The following GRIK2 variants were observed in gnomAD, a reference collection of about 807,000 sequenced individuals.
The protein encoded by GRIK2 is glutamate receptor ionotropic, kainate 2.
In GRIK2, 32 loss-of-function variants were observed where a neutral mutation model predicts 100.3. That is an observed-to-expected ratio of 0.32 (90% CI 0.24 to 0.43). The LOEUF is 0.43. GRIK2 is among the 20% of genes least tolerant of loss of function. The pLI is 1.00. For synonymous variants in GRIK2, 417 were observed against 389.4 expected, an observed-to-expected ratio of 1.07 and a Z score of -0.83; for missense variants, 843 against 1,114.9, an observed-to-expected ratio of 0.76 and a Z score of 3.47.
At chr6:101,499,032 T>G (rs1353448776) in intron 2 of GRIK2, among the ~76,000 whole-genome samples, 1 of 152,184 alleles carries the variant, frequency 6.6e-6, no homozygotes, top group East Asian at 1.9e-4. Flanking sequence ...GGGAAAGGAT[T>G]CCCTATTTAA....
At chr6:101,985,320 C>T (rs1484881767) in intron 14 of GRIK2, among the ~76,000 whole-genome samples, 1 of 151,760 alleles carries the variant, frequency 6.6e-6, no homozygotes, top group Non-Finnish European at 1.5e-5. Context: ...CTAACTAGAA[C>T]ATTTATCCCA....
intron 1 of GRIK2, 52 bp from the exon 2 acceptor site, chr6:101,398,933 C>G (rs1006327680): frequency 2.8e-5 from 12 of 427,704 alleles, no homozygotes; most frequent in Admixed American, 4.2e-5. Context: ...ACATCTCGTC[C>G]GTTACCAAGG....
At chr6:101,959,495 AC>A (rs1232781200) in intron 14 of GRIK2, among the ~76,000 whole-genome samples, 1 of 152,070 alleles carries the variant, frequency 6.6e-6, no homozygotes, top group African/African-American at 2.4e-5. Flanking sequence ...GATCTAGCTA[AC>A]AATCTATCAA....
At chr6:101,656,527 T>G (rs1769192727) in intron 4 of GRIK2, among the ~76,000 whole-genome samples, 1 of 152,156 alleles carries the variant, frequency 6.6e-6, no homozygotes, top group African/African-American at 2.4e-5. Flanking sequence ...TAGATAATAT[T>G]CAACCTTTAC....
intron 2 of GRIK2, among the ~76,000 whole-genome samples, chr6:101,615,102 G>C (rs1191861857): frequency 1.3e-5 from 2 of 151,652 alleles, no homozygotes; most frequent in East Asian, 3.9e-4. Flanking sequence ...AACAAAGGAG[G>C]GCAATTGTGC....
intron 2 of GRIK2, among the ~76,000 whole-genome samples, chr6:101,446,118 G>C (rs1770360510): frequency 6.6e-6 from 1 of 151,784 alleles, no homozygotes; most frequent in Non-Finnish European, 1.5e-5. Flanking sequence ...GTTGGCCTTG[G>C]TAACCAGAAA....
At chr6:101,642,007 G>T (rs932655833) in intron 4 of GRIK2, among the ~76,000 whole-genome samples, 6 of 151,752 alleles carry the variant, frequency 4.0e-5, no homozygotes, top group African/African-American at 1.5e-4. Context: ...TAACTGCTTC[G>T]CTATTTAGGA....
intron 2 of GRIK2, among the ~76,000 whole-genome samples, chr6:101,534,839 TC>T (rs1239924578): frequency 6.6e-6 from 1 of 151,824 alleles, no homozygotes; most frequent in Non-Finnish European, 1.5e-5. Flanking sequence ...ACTTTTTTTT[TC>T]AAAGCTTTTG....
At chr6:101,987,762 T>A (rs192163253) in intron 14 of GRIK2, among the ~76,000 whole-genome samples, 13 of 151,588 alleles carry the variant, frequency 8.6e-5, no homozygotes, top group Admixed American at 3.3e-4. Flanking sequence ...TTTGTAACAT[T>A]TGTAATATGT....
chr6:101,687,297 T>C (rs1771765601), intron 7 of GRIK2, among the ~76,000 whole-genome samples: 1 of 151,970 alleles, frequency 6.6e-6, no homozygotes, highest in Non-Finnish European at 1.5e-5. Flanking sequence ...TGATGTTTTC[T>C]TATTAAATCA....
intron 7 of GRIK2, among the ~76,000 whole-genome samples, chr6:101,780,736 A>C (rs1362736859): frequency 1.3e-5 from 2 of 152,190 alleles, no homozygotes; most frequent in Non-Finnish European, 2.9e-5. Flanking sequence ...TAGAGTCAAT[A>C]AGAGAGGATG....
At chr6:102,066,068 G>C in intron 16 of GRIK2, 1 of 400,496 alleles carries the variant, frequency 2.5e-6, no homozygotes, top group Non-Finnish European at 4.4e-6. Flanking sequence ...CAATGACTCT[G>C]TAGTTAATGG....
intron 7 of GRIK2, among the ~76,000 whole-genome samples, chr6:101,735,022 C>T (rs965825252): frequency 6.6e-6 from 1 of 152,028 alleles, no homozygotes; most frequent in Non-Finnish European, 1.5e-5. Context: ...TAATGGTGGC[C>T]AGTGGCTAGA....
chr6:101,861,132 A>C (rs1784711936), intron 11 of GRIK2, among the ~76,000 whole-genome samples: 1 of 152,168 alleles, frequency 6.6e-6, no homozygotes, highest in Non-Finnish European at 1.5e-5. Context: ...CTGAAACATA[A>C]GATAGAGATA....
intron 14 of GRIK2, among the ~76,000 whole-genome samples, chr6:101,955,603 TCTCTCTCTCTCTCC>T (rs1791876403): frequency 1.8e-5 from 2 of 108,568 alleles, no homozygotes; most frequent in African/African-American, 5.9e-5. Flanking sequence ...TCTCTCTCTC[TCTCTCTCTCTCTCC>T]CCCCCATTTC....
At chr6:102,038,488 C>G (rs775272614) in intron 15 of GRIK2, among the ~76,000 whole-genome samples, 21 of 151,426 alleles carry the variant, frequency 1.4e-4, no homozygotes, top group Non-Finnish European at 2.8e-4. Context: ...ATTTGTCTCT[C>G]TTTTGCTGTT....
chr6:101,563,254 A>G (rs1449107816), intron 2 of GRIK2, among the ~76,000 whole-genome samples: 1 of 152,208 alleles, frequency 6.6e-6, no homozygotes, highest in African/African-American at 2.4e-5. Flanking sequence ...TTTTGGTTCT[A>G]TTAAGTATCT....
intron 2 of GRIK2, among the ~76,000 whole-genome samples, chr6:101,485,742 A>C (rs1415066536): frequency 6.6e-6 from 1 of 152,158 alleles, no homozygotes; most frequent in African/African-American, 2.4e-5. Flanking sequence ...TAATATGAAT[A>C]TTTCTTTTAC....
chr6:102,051,305 CTT>C, intron 15 of GRIK2, among the ~76,000 whole-genome samples: 4 of 148,018 alleles, frequency 2.7e-5, no homozygotes, highest in Non-Finnish European at 4.5e-5. Flanking sequence ...TCCTTCCTTC[CTT>C]CCTTCCACTC....
Sources: gnomAD v4.1 joint callset for allele counts (sites outside exome capture counted in the v4.1 genomes callset) on GRCh38, gnomAD v4.1.1 for gene constraint, MANE v1.5 for transcripts, NCBI Gene and HGNC (gene_info 2026-07-23, HGNC 2026-07-21) for gene names.